The following KIAA2012 variants were observed in gnomAD, a reference collection of about 807,000 sequenced individuals.
The protein encoded by KIAA2012 is uncharacterized protein KIAA2012.
Under a neutral mutation model 150.6 loss-of-function variants are expected in KIAA2012, and 125 were observed. That is an observed-to-expected ratio of 0.83 (90% CI 0.72 to 0.96). The LOEUF is 0.96. Among genes scored for constraint, KIAA2012 ranks in the 40% least tolerant of loss-of-function variants. KIAA2012 has a pLI of 0.00. For synonymous variants in KIAA2012, 462 were observed against 504.7 expected, an observed-to-expected ratio of 0.92 and a Z score of 1.13; for missense variants, 1,219 against 1,354.9, an observed-to-expected ratio of 0.90 and a Z score of 1.57.
intron 10 of KIAA2012, among the ~76,000 whole-genome samples, chr2:202,112,197 G>A (rs1416542820): frequency 6.6e-6 from 1 of 152,070 alleles, no homozygotes; most frequent in East Asian, 1.9e-4. Context: ...AGGATTAGAG[G>A]GTTGGAGCTT....
At chr2:202,123,545 CGT>C (rs938071468) in intron 11 of KIAA2012, among the ~76,000 whole-genome samples, 1 of 152,094 alleles carries the variant, frequency 6.6e-6, no homozygotes, top group African/African-American at 2.4e-5. Context: ...CGCACGTGAC[CGT>C]GTGTGTGCCC....
intron 12 of KIAA2012, chr2:202,125,953 T>C: frequency 2.9e-6 from 1 of 346,314 alleles, no homozygotes; most frequent in Admixed American, 4.3e-5. Context: ...TTTTTTTTTT[T>C]TTTTTTTTTT....
chr2:202,121,564 T>C (rs1194286856), intron 11 of KIAA2012, among the ~76,000 whole-genome samples: 2 of 152,230 alleles, frequency 1.3e-5, no homozygotes, highest in African/African-American at 2.4e-5. Flanking sequence ...CTCAGGCACC[T>C]TGCTATGCAT....
chr2:202,179,793 TG>T (rs1692079946), intron 15 of KIAA2012: 2 of 624,750 alleles, frequency 3.2e-6, no homozygotes, highest in Non-Finnish European at 3.1e-6. Context: ...GAAAGAACTA[TG>T]TGAATGGGGA....
intron 14 of KIAA2012, among the ~76,000 whole-genome samples, chr2:202,164,589 G>A (rs1395319783): frequency 6.6e-6 from 1 of 152,110 alleles, no homozygotes; most frequent in African/African-American, 2.4e-5. Context: ...TGACCCTTTG[G>A]CTCCCCTGCT....
Position 202,193,416 on chromosome 2 carries a change from G to A in KIAA2012, c.2927G>A (p.Arg976Lys). Reference protein sequence around the residue: ...EKKRREQEEQRQLQQEQLERA... With the variant: ...EKKRREQEEQKQLQQEQLERA... The stretch of plus-strand genomic sequence containing the variant: ...AAGAGAAGGGAGCAGGAAGAGCAAA[G>A]GCAGCTCCAGCAGGAGCAGCTGGAG... Residue 976 changes from arginine (R) to lysine (K), a missense_variant, in exon 20 of 24, where the codon AGG (arginine) becomes AAG (lysine). Physicochemically the swap from Arg to Lys is conservative, Grantham distance 26. Coordinates refer to ENST00000498697, the MANE Select transcript of KIAA2012 (RefSeq NM_001277372.4). 6.4e-7 allele frequency: 1 copy of A among 1,550,414 alleles called. No homozygotes were observed. Among genetic ancestry groups the A allele is most frequent in the South Asian group, 1.2e-5 (1 of 84,046 alleles).
intron 21 of KIAA2012, among the ~76,000 whole-genome samples, chr2:202,195,364 A>G (rs1305509443): frequency 6.6e-6 from 1 of 151,828 alleles, no homozygotes; most frequent in African/African-American, 2.4e-5. Flanking sequence ...CTAAAAATAC[A>G]AAAATTAGCT....
intron 13 of KIAA2012, among the ~76,000 whole-genome samples, chr2:202,145,024 G>A (rs1277130972): frequency 6.6e-6 from 1 of 152,068 alleles, no homozygotes; most frequent in East Asian, 1.9e-4. Flanking sequence ...AAAAGCTTTG[G>A]GTCATGTGCA....
At chr2:202,126,668 G>A (rs931280168) in intron 12 of KIAA2012, among the ~76,000 whole-genome samples, 2 of 151,804 alleles carry the variant, frequency 1.3e-5, no homozygotes, top group African/African-American at 2.4e-5. Flanking sequence ...GACAGCTACT[G>A]TTGTTATATA....
intron 8 of KIAA2012, among the ~76,000 whole-genome samples, chr2:202,103,726 A>C (rs1191487936): frequency 2.0e-5 from 3 of 152,214 alleles, no homozygotes; most frequent in African/African-American, 7.2e-5. Flanking sequence ...GCCACAGCAG[A>C]GATTATGTGC....
intron 11 of KIAA2012, among the ~76,000 whole-genome samples, chr2:202,119,170 G>T (rs997469771): frequency 6.6e-6 from 1 of 152,146 alleles, no homozygotes; most frequent in Non-Finnish European, 1.5e-5. Flanking sequence ...TACTCGGGAG[G>T]CTGAGGCAGG....
At chr2:202,114,902 G>A (rs1433244878) in intron 11 of KIAA2012, 2 of 167,272 alleles carry the variant, frequency 1.2e-5, no homozygotes, top group Non-Finnish European at 2.9e-5. Context: ...TTGAATGAAT[G>A]AATGAATGAA....
intron 2 of KIAA2012, among the ~76,000 whole-genome samples, chr2:202,086,051 C>T (rs960153062): frequency 3.3e-5 from 5 of 151,296 alleles, no homozygotes; most frequent in African/African-American, 4.9e-5. Context: ...ATCTGTAATC[C>T]CAGCTACTTG....
chr2:202,184,672 A>AG, intron 15 of KIAA2012, 81 bp from the exon 16 acceptor site: 9 of 931,714 alleles, frequency 9.7e-6, no homozygotes, highest in Non-Finnish European at 1.4e-5. Flanking sequence ...GCTACTCACC[A>AG]GGTAGATGTT....
intron 12 of KIAA2012, among the ~76,000 whole-genome samples, chr2:202,135,091 A>G (rs1691033517): frequency 6.6e-6 from 1 of 152,238 alleles, no homozygotes; most frequent in African/African-American, 2.4e-5. Context: ...CTGCCTGATT[A>G]TCTGGTGGGA....
intron 2 of KIAA2012, among the ~76,000 whole-genome samples, chr2:202,087,694 C>A (rs1310899201): frequency 6.6e-6 from 1 of 151,966 alleles, no homozygotes; most frequent in Admixed American, 6.6e-5. Context: ...GTTGGTTTTT[C>A]TTATTAGGCT....
At chr2:202,095,317 T>C (rs1348317495) in intron 4 of KIAA2012, among the ~76,000 whole-genome samples, 1 of 152,228 alleles carries the variant, frequency 6.6e-6, no homozygotes, top group Non-Finnish European at 1.5e-5. Context: ...GCCCAACACT[T>C]TATCTGAAGA....
intron 23 of KIAA2012, among the ~76,000 whole-genome samples, chr2:202,203,725 CA>C (rs1179595007): frequency 6.6e-6 from 1 of 151,808 alleles, no homozygotes; most frequent in African/African-American, 2.4e-5. Context: ...TAACCACCCA[CA>C]AAAATTTCCC....
At chr2:202,147,855 C>T (rs1691333310) in intron 13 of KIAA2012, among the ~76,000 whole-genome samples, 2 of 152,074 alleles carry the variant, frequency 1.3e-5, no homozygotes, top group African/African-American at 2.4e-5. Context: ...TTTCACCCCT[C>T]GACGTCCCAT....
Sources: gnomAD v4.1 joint callset for allele counts (sites outside exome capture counted in the v4.1 genomes callset) on GRCh38, gnomAD v4.1.1 for gene constraint, MANE v1.5 for transcripts, NCBI Gene and HGNC (gene_info 2026-07-23, HGNC 2026-07-21) for gene names.